Variants in NECAB2 observed in about 807,000 individuals in gnomAD.
NECAB2 encodes N-terminal EF-hand calcium-binding protein 2.
Under a neutral mutation model 51.9 loss-of-function variants are expected in NECAB2, and 68 were observed. The observed-to-expected ratio is 1.31, with a 90% CI of 1.08 to 1.60. The LOEUF is 1.60. NECAB2 is among the 40% of genes most tolerant of loss of function. The probability of loss-of-function intolerance (pLI) is 0.00; values close to 1 mark genes in which losing one functional copy is unlikely to be tolerated. For synonymous variants in NECAB2, 329 were observed against 203.5 expected, an observed-to-expected ratio of 1.62 and a Z score of -5.25; for missense variants, 854 against 490.3, an observed-to-expected ratio of 1.74 and a Z score of -7.00.
At chr16:83,965,776 C>A, upstream of NECAB2, 1 of 1,613,158 alleles carries the variant, frequency 6.2e-7, no homozygotes. Context: ...CCCACCCCGA[C>A]CTCTCCTTCC....
intron 10 of NECAB2, 72 bp downstream of exon 10, chr16:83,998,389 G>A (rs2084751809): frequency 6.9e-7 from 1 of 1,439,196 alleles, no homozygotes; most frequent in African/African-American, 1.4e-5. Context: ...AACAGGGCAG[G>A]ACTAGGCTTT....
At chr16:83,976,081 G>T (rs967477216) in intron 2 of NECAB2, among the ~76,000 whole-genome samples, 4 of 152,168 alleles carry the variant, frequency 2.6e-5, no homozygotes, top group Non-Finnish European at 5.9e-5. Flanking sequence ...TGCAGAGGGG[G>T]CCCAAGGTAC....
intron 2 of NECAB2, among the ~76,000 whole-genome samples, chr16:83,977,384 G>T (rs2084425006): frequency 6.6e-6 from 1 of 152,156 alleles, no homozygotes; most frequent in Admixed American, 6.5e-5. Flanking sequence ...AAGGAGCTGA[G>T]GGTGGAAGCT....
chr16:83,990,407 A>C, intron 5 of NECAB2, 87 bp from the exon 6 acceptor site: 1 of 1,521,606 alleles, frequency 6.6e-7, no homozygotes, highest in Middle Eastern at 1.7e-4. Context: ...CACCAGCACC[A>C]GCTTTCCCCC....
intron 3 of NECAB2, among the ~76,000 whole-genome samples, chr16:83,979,985 T>A (rs924687288): frequency 3.3e-5 from 5 of 152,150 alleles, no homozygotes; most frequent in Admixed American, 1.3e-4. Flanking sequence ...ACTCTGAATA[T>A]GAGATGGAGG....
At chr16:83,975,741 C>T (rs1357088831) in intron 2 of NECAB2, among the ~76,000 whole-genome samples, 1 of 152,154 alleles carries the variant, frequency 6.6e-6, no homozygotes, top group South Asian at 2.1e-4. Flanking sequence ...GACATGGACG[C>T]TGACAGGCTG....
intron 2 of NECAB2, among the ~76,000 whole-genome samples, chr16:83,973,521 ACG>A (rs1235017083): frequency 6.6e-6 from 1 of 152,274 alleles, no homozygotes; most frequent in African/African-American, 2.4e-5. Flanking sequence ...AATAAGAGGG[ACG>A]TAGGGAGATG....
chr16:83,999,022 G>A (rs906384268), intron 10 of NECAB2, among the ~76,000 whole-genome samples: 15 of 152,138 alleles, frequency 9.9e-5, no homozygotes, highest in African/African-American at 3.6e-4. Flanking sequence ...CCTTCCCAGG[G>A]CTTTCTTCCA....
chr16:83,986,124 C>T (rs549706499), intron 5 of NECAB2, among the ~76,000 whole-genome samples: 1 of 152,148 alleles, frequency 6.6e-6, no homozygotes. Context: ...TAAAGCGATT[C>T]TTCCACCTCA....
chr16:83,983,191 G>C (rs2084510567), intron 5 of NECAB2, among the ~76,000 whole-genome samples: 1 of 152,122 alleles, frequency 6.6e-6, no homozygotes. Context: ...TTTCCTAAGT[G>C]GTTTTTGTTT....
At chr16:83,982,942 C>A (rs914376916) in intron 5 of NECAB2, among the ~76,000 whole-genome samples, 1 of 151,638 alleles carries the variant, frequency 6.6e-6, no homozygotes, top group African/African-American at 2.4e-5. Flanking sequence ...AATGTCGCCT[C>A]ACTGCAACCT....
intron 6 of NECAB2, among the ~76,000 whole-genome samples, chr16:83,991,936 G>A (rs1026006658): frequency 2.0e-5 from 3 of 151,788 alleles, no homozygotes; most frequent in African/African-American, 7.3e-5. Context: ...ATTACAGGCA[G>A]GAGCCACCAC....
chr16:83,989,571 G>A (rs1201172416), intron 5 of NECAB2, among the ~76,000 whole-genome samples: 2 of 152,222 alleles, frequency 1.3e-5, no homozygotes, highest in African/African-American at 2.4e-5. Context: ...GGAAGGCGGG[G>A]TCTTGGCAGA....
chr16:83,986,456 C>T (rs190190371), intron 5 of NECAB2, among the ~76,000 whole-genome samples: 105 of 152,348 alleles, frequency 6.9e-4, no homozygotes, highest in African/African-American at 2.5e-3. Context: ...TGAATGGTCA[C>T]TATCCCAGGG....
rs1209894331 is a variant in NECAB2, at chr16:83,994,370, C to T, written c.665C>T (p.Ala222Val). The T allele has an allele frequency of 6.2e-7, 1 of 1,614,176 alleles. No homozygotes were observed. Among genetic ancestry groups the T allele is most frequent in the Non-Finnish European group, 8.5e-7 (1 of 1,180,018 alleles). The change falls in exon 7 of 13, where the codon GCC becomes GTC. Residue 222 changes from alanine (A) to valine (V), a missense_variant. Physicochemically the swap from Ala to Val is moderately conservative, Grantham distance 64 (BLOSUM62 0). Coordinates refer to ENST00000305202, the MANE Select transcript of NECAB2 (RefSeq NM_019065.3). The stretch of plus-strand genomic sequence containing the variant: ...TGTGGAAGCCCCACTCCCGCCTCTG[C>T]CCCCAACCACAAGCTCATGGCTATG... ...TWCGSPTPASAPNHKLMAMEQ... is the reference protein window; with the variant it reads ...TWCGSPTPASVPNHKLMAMEQ...
At chr16:83,994,455 G>C in intron 7 of NECAB2, 35 bp downstream of exon 7, 9 of 1,609,268 alleles carry the variant, frequency 5.6e-6, no homozygotes, top group Non-Finnish European at 6.8e-6. Flanking sequence ...GGGGGTACCA[G>C]CTGGGGGTCC....
intron 6 of NECAB2, among the ~76,000 whole-genome samples, chr16:83,992,122 G>T (rs1280127646): frequency 9.0e-6 from 1 of 111,478 alleles, no homozygotes; most frequent in Non-Finnish European, 1.6e-5. Flanking sequence ...AGAGAGACTG[G>T]GGGGAAATCA....
At chr16:83,980,813 GTC>G (rs1162760262) in intron 3 of NECAB2, 24 bp from the exon 4 acceptor site, 2 of 1,564,240 alleles carry the variant, frequency 1.3e-6, no homozygotes, top group Non-Finnish European at 1.7e-6. Flanking sequence ...GTCTCTGTCT[GTC>G]TCTGCCTCTG....
chr16:83,981,181 C>A, intron 5 of NECAB2, 54 bp downstream of exon 5: 1 of 1,331,350 alleles, frequency 7.5e-7, no homozygotes, highest in Non-Finnish European at 1.0e-6. Flanking sequence ...TGCTTCAGTT[C>A]CACCCTTGCC....
Sources: gnomAD v4.1 joint callset for allele counts (sites outside exome capture counted in the v4.1 genomes callset) on GRCh38, gnomAD v4.1.1 for gene constraint, MANE v1.5 for transcripts, NCBI Gene and HGNC (gene_info 2026-07-23, HGNC 2026-07-21) for gene names.